Variants in UNC13C observed in about 807,000 individuals in gnomAD.
UNC13C encodes unc-13 homolog C, also known as protein unc-13 homolog C.
A neutral mutation model predicts 245.4 loss-of-function variants in UNC13C; 174 were observed. That is an observed-to-expected ratio of 0.71 (90% CI 0.63 to 0.80). The LOEUF is 0.80. Among genes scored for constraint, UNC13C ranks in the 30% least tolerant of loss-of-function variants. The pLI is 0.00. For missense variants in UNC13C, 2,829 were observed against 2,602.9 expected (o/e 1.09, Z -1.89); for synonymous variants, 992 against 895.1 (o/e 1.11, Z -1.93).
intron 2 of UNC13C, among the ~76,000 whole-genome samples, chr15:54,116,066 G>A (rs1161692086): frequency 6.6e-6 from 1 of 151,936 alleles, no homozygotes; most frequent in Non-Finnish European, 1.5e-5. Flanking sequence ...ATAGTTCAGT[G>A]GTAATAAATA....
chr15:54,133,986 TA>T (rs1358747170), intron 2 of UNC13C, among the ~76,000 whole-genome samples: 1 of 152,150 alleles, frequency 6.6e-6, no homozygotes, highest in African/African-American at 2.4e-5. Flanking sequence ...TTGATATTCA[TA>T]TACATTGTGA....
intron 4 of UNC13C, among the ~76,000 whole-genome samples, chr15:54,189,341 A>G (rs2034102542): frequency 6.6e-6 from 1 of 152,186 alleles, no homozygotes; most frequent in Non-Finnish European, 1.5e-5. Context: ...TTCTTTTCTT[A>G]TAAAGTGGGC....
chr15:54,567,933 C>T lies in UNC13C; in HGVS notation c.6092C>T (p.Thr2031Ile). The T allele has an allele frequency of 3.8e-6, 6 of 1,571,864 alleles. No homozygotes were observed. Among genetic ancestry groups the T allele is most frequent in the Non-Finnish European group, 5.2e-6 (6 of 1,156,996 alleles). Residue 2031 changes from threonine (T) to isoleucine (I), a missense_variant, in exon 30 of 33, where the codon ACT becomes ATT. Coordinates refer to ENST00000260323, the MANE Select transcript of UNC13C (RefSeq NM_001080534.3). ...GCCTTGATAAAGAAATTCATAGATA[C>T]TCAAACCTCACAGAGTAAGTAACAC... Reference protein sequence around the residue: ...TDALIKKFIDTQTSQSRSSKD... With the variant: ...TDALIKKFIDIQTSQSRSSKD...
intron 2 of UNC13C, among the ~76,000 whole-genome samples, chr15:54,072,368 C>A (rs562804863): frequency 6.6e-6 from 1 of 152,222 alleles, no homozygotes; most frequent in East Asian, 1.9e-4. Flanking sequence ...TGGTAATAAA[C>A]CCAAATCCAG....
rs535673761 is a variant in UNC13C, at chr15:54,447,805, C to T, written c.4933+32738C>T. Among the ~76,000 whole-genome samples the T allele has an allele frequency of 7.2e-5, 11 of 152,114 alleles. No individual in the cohort carries two copies. In the South Asian group the frequency reaches 2.1e-3, roughly 29 times the overall value. ...CTGCTCTGATCTTAGTTATTTCTTG[C>T]CTTCTGCTAGCTTTTGAATGTGTTT... On this transcript the variant is annotated intron_variant, in intron 19 of 32. Coordinates refer to ENST00000260323, the MANE Select transcript of UNC13C (RefSeq NM_001080534.3).
In UNC13C at chr15:54,420,572, A is replaced by G. The variant is rs565224816; in HGVS notation, c.4933+5505A>G. Among the ~76,000 whole-genome samples, 214 of 152,072 alleles carry G rather than the reference A, an allele frequency of 1.4e-3. 1 individual carries two copies. Among genetic ancestry groups the G allele is most frequent in the African/African-American group, 5.0e-3 (206 of 41,522 alleles). ...TGTCATCTTGAAGGCTGGCTAGCACAATTAGTATTTGCCTTTCTGATCATT... is the reference window on the plus strand; with the variant it reads ...TGTCATCTTGAAGGCTGGCTAGCACGATTAGTATTTGCCTTTCTGATCATT... On this transcript the variant is annotated intron_variant, in intron 19 of 32. Coordinates refer to ENST00000260323, the MANE Select transcript of UNC13C (RefSeq NM_001080534.3).
chr15:54,479,032 C>T lies in UNC13C; in HGVS notation c.4934-15576C>T, dbSNP rs201268675. On this transcript the variant is annotated intron_variant, in intron 19 of 32. Coordinates refer to ENST00000260323, the MANE Select transcript of UNC13C (RefSeq NM_001080534.3). The stretch of plus-strand genomic sequence containing the variant: ...CATATATATGGGATATCCAGCTCTC[C>T]TGGCACCATTATTGAAGAGGGTATC... Among the ~76,000 whole-genome samples the T allele has an allele frequency of 1.6e-4, 24 of 152,142 alleles. No homozygotes were observed. In the East Asian group the frequency reaches 4.6e-3, roughly 29 times the overall value.
chr15:54,563,033 A>G (rs1289079027), intron 29 of UNC13C, among the ~76,000 whole-genome samples: 1 of 152,048 alleles, frequency 6.6e-6, no homozygotes, highest in Non-Finnish European at 1.5e-5. Flanking sequence ...TATGACTTTT[A>G]AAAATTTTCT....
chr15:54,057,319 A>G (rs796964361), intron 2 of UNC13C, among the ~76,000 whole-genome samples: 6 of 149,642 alleles, frequency 4.0e-5, no homozygotes, highest in South Asian at 2.2e-4. Context: ...TCCTAGTCTC[A>G]GATAAAACAG....
chr15:54,231,458 A>C (rs1002778682), intron 4 of UNC13C, among the ~76,000 whole-genome samples: 9 of 151,844 alleles, frequency 5.9e-5, no homozygotes, highest in African/African-American at 2.2e-4. Flanking sequence ...CTGCCATTTC[A>C]GATCTTAATA....
intron 19 of UNC13C, among the ~76,000 whole-genome samples, chr15:54,473,101 G>A (rs1892547142): frequency 6.6e-6 from 1 of 151,796 alleles, no homozygotes. Context: ...CACTAAAAGT[G>A]AGAACATGTG....
the UNC13C span, chr15:53,911,877 C>T: frequency 6.6e-5 from 10 of 152,398 alleles, no homozygotes; most frequent in South Asian, 4.1e-4. Flanking sequence ...TTCAGCACCC[C>T]CGGATGCTTT....
At chr15:54,102,783 C>T (rs1303870192) in intron 2 of UNC13C, among the ~76,000 whole-genome samples, 1 of 152,150 alleles carries the variant, frequency 6.6e-6, no homozygotes, top group East Asian at 1.9e-4. Flanking sequence ...GAAGATGCAC[C>T]CCAGGGGTGT....
intron 2 of UNC13C, among the ~76,000 whole-genome samples, chr15:54,083,327 A>G (rs930237462): frequency 3.9e-5 from 6 of 152,152 alleles, no homozygotes; most frequent in Admixed American, 2.6e-4. Context: ...GCGACCACCA[A>G]ACTGGACTCA....
the UNC13C span, among the ~76,000 whole-genome samples, chr15:53,872,739 T>G: frequency 6.6e-6 from 1 of 152,186 alleles, no homozygotes; most frequent in Non-Finnish European, 1.5e-5. Flanking sequence ...TCAGGATGAA[T>G]TTCAAGTCCT....
chr15:54,157,721 A>C (rs2032810473), intron 4 of UNC13C, among the ~76,000 whole-genome samples: 1 of 152,206 alleles, frequency 6.6e-6, no homozygotes, highest in South Asian at 2.1e-4. Flanking sequence ...ATTAAATGTC[A>C]AAACAGCATG....
At chr15:53,964,744 G>C in the UNC13C span, among the ~76,000 whole-genome samples, 1 of 152,098 alleles carries the variant, frequency 6.6e-6, no homozygotes, top group African/African-American at 2.4e-5. Context: ...AACACTCCAA[G>C]TAATGTTTTA....
intron 19 of UNC13C, among the ~76,000 whole-genome samples, chr15:54,425,715 C>G (rs1043518841): frequency 6.6e-6 from 1 of 151,806 alleles, no homozygotes; most frequent in Non-Finnish European, 1.5e-5. Flanking sequence ...GACTACTAGC[C>G]AGCTATTTTT....
At chr15:54,475,179 G>C (rs1039625478) in intron 19 of UNC13C, among the ~76,000 whole-genome samples, 1 of 151,856 alleles carries the variant, frequency 6.6e-6, no homozygotes, top group Non-Finnish European at 1.5e-5. Flanking sequence ...GCCTAGACCA[G>C]TGTTCTGAAG....
Sources: allele counts gnomAD v4.1 joint callset (sites outside exome capture counted in the v4.1 genomes callset), GRCh38; gene constraint gnomAD v4.1.1; transcripts MANE v1.5; gene names NCBI Gene and HGNC (gene_info 2026-07-23, HGNC 2026-07-21).